Variants in MAPK8IP1 observed in about 807,000 individuals in gnomAD.
MAPK8IP1 encodes the protein C-Jun-amino-terminal kinase-interacting protein 1.
In MAPK8IP1, 17 loss-of-function variants were observed where a neutral mutation model predicts 72.6. The observed-to-expected ratio is 0.23, with a 90% CI of 0.16 to 0.35. The LOEUF is 0.35. Ranked by LOEUF, MAPK8IP1 falls within the 10% of genes least tolerant of loss-of-function variation. MAPK8IP1 has a pLI of 1.00. For synonymous variants in MAPK8IP1, 401 were observed against 443.4 expected, an observed-to-expected ratio of 0.90 and a Z score of 1.20; for missense variants, 789 against 1,009.7, an observed-to-expected ratio of 0.78 and a Z score of 2.96.
chr11:45,902,427 G>T lies in MAPK8IP1; in HGVS notation c.660G>T (p.Gln220His), dbSNP rs1418592065. The T allele has an allele frequency of 1.3e-6, 2 of 1,585,720 alleles. No homozygotes were observed. The highest frequency in any genetic ancestry group is 1.7e-6 in the Non-Finnish European group (2 of 1,167,254). Reference protein sequence around the residue: ...HICLSDELPPQSGPAPTTDRG... With the variant: ...HICLSDELPPHSGPAPTTDRG... ...GCCTGAGCGATGAGCTGCCCCCCCA[G>T]AGCGGCCCCGCCCCCACCACAGATC... Residue 220 changes from glutamine to histidine, a missense_variant, in exon 5 of 12, where the codon CAG (glutamine) becomes CAT (histidine). Gln to His is a conservative substitution (Grantham distance 24). Around this residue, in one of 4 missense-constraint regions of MAPK8IP1, gnomAD observed 377 missense variants for 411.7 expected, o/e 0.92. Transcript: ENST00000241014. The surrounding 1 kb of genome is among the most constrained non-coding windows in gnomAD (Gnocchi z 9.3).
At position 45,905,178 on chromosome 11, in the gene MAPK8IP1, C is replaced by T. The variant is rs544815653; in HGVS notation, c.1992C>T (p.Pro664=). 1.2e-5 allele frequency: 19 copies of T among 1,613,520 alleles called. No homozygotes were observed. The highest frequency in any genetic ancestry group is 4.5e-5 in the East Asian group (2 of 44,874). ...ACTTTGGGTTCATCACCAAGCACCC[C>T]GCCGACCACCGGTTTGCCTGCCACG... ...NKYFGFITKH[P]ADHRFACHVF... The change falls in exon 11 of 12, where the codon CCC becomes CCT. Residue 664 remains proline (P), a synonymous_variant. Transcript: ENST00000241014.
chr11:45,893,482 G>C (rs2086581544), intron 1 of MAPK8IP1, among the ~76,000 whole-genome samples: 1 of 152,208 alleles, frequency 6.6e-6, no homozygotes, highest in African/African-American at 2.4e-5. Context: ...TGCAGGAACA[G>C]GGCCTCAGGT....
chr11:45,891,092 A>G (rs2086563220), intron 1 of MAPK8IP1, among the ~76,000 whole-genome samples: 1 of 152,198 alleles, frequency 6.6e-6, no homozygotes, highest in African/African-American at 2.4e-5. Context: ...CTTGCCTCAC[A>G]CAGTCCGGCA....
At chr11:45,897,522 C>A (rs2086618015) in intron 1 of MAPK8IP1, among the ~76,000 whole-genome samples, 1 of 152,208 alleles carries the variant, frequency 6.6e-6, no homozygotes, top group Non-Finnish European at 1.5e-5. Context: ...CAGCATGAGG[C>A]TGGAGTCCTT....
At chr11:45,887,865 G>C (rs1010224541) in intron 1 of MAPK8IP1, among the ~76,000 whole-genome samples, 1 of 152,230 alleles carries the variant, frequency 6.6e-6, no homozygotes, top group East Asian at 1.9e-4. Context: ...CAAAGCCCCC[G>C]CTGCCCTTTC....
intron 1 of MAPK8IP1, chr11:45,896,724 C>A: frequency 1.4e-6 from 2 of 1,455,386 alleles, no homozygotes; most frequent in Non-Finnish European, 1.8e-6. Flanking sequence ...TAATGAGCTC[C>A]CCAGGCTTCT....
In MAPK8IP1 at chr11:45,901,972, C is replaced by G; in HGVS notation, c.523-8C>G. The G allele has an allele frequency of 6.2e-7, 1 of 1,612,734 alleles. No homozygotes were observed. ...TTCCATCACAAGAGCCTTTTGTTCC[C>G]TGCACAGGACACACTGAATAATAAT... On this transcript the variant is annotated splice_polypyrimidine_tract_variant and splice_region_variant and intron_variant, in intron 3 of 11. Coordinates refer to ENST00000241014, the MANE Select transcript of MAPK8IP1 (RefSeq NM_005456.4).
At position 45,902,313 on chromosome 11, in the gene MAPK8IP1, G is replaced by A. The variant is rs2086660082; in HGVS notation, c.605-59G>A. On this transcript the variant is annotated intron_variant, in intron 4 of 11. Coordinates refer to ENST00000241014, the MANE Select transcript of MAPK8IP1 (RefSeq NM_005456.4). This position sits in a 1 kb window ranked among gnomAD's most constrained non-coding sequence, Gnocchi z 9.3. ...TGTGTCACCAAGCTGAGAGTGGCAGGTGCAGGTAGCTGGGAGTTGGGAGAG... is the reference window on the plus strand; with the variant it reads ...TGTGTCACCAAGCTGAGAGTGGCAGATGCAGGTAGCTGGGAGTTGGGAGAG... The A allele has an allele frequency of 7.2e-7, 1 of 1,380,194 alleles. No homozygotes were observed. Among genetic ancestry groups the A allele is most frequent in the Non-Finnish European group, 1.0e-6 (1 of 992,682 alleles). The allele number at this position is 1,380,194 out of a possible 1,614,324, so 85.5% of individuals were successfully genotyped here. A position where few individuals can be genotyped will look rare whatever the true frequency, so the allele number is the denominator to read the frequency against.
At chr11:45,899,983 A>C (rs983028867) in intron 2 of MAPK8IP1, among the ~76,000 whole-genome samples, 155 bp from the exon 3 acceptor site, 3 of 151,982 alleles carry the variant, frequency 2.0e-5, no homozygotes, top group African/African-American at 7.2e-5. Context: ...CTCGCGGCGG[A>C]CGGGCGAGAG....
intron 1 of MAPK8IP1, among the ~76,000 whole-genome samples, chr11:45,895,941 C>G (rs1213494985): frequency 1.3e-5 from 2 of 152,196 alleles, no homozygotes; most frequent in Admixed American, 1.3e-4. Context: ...AGCTGGCCAG[C>G]CACACCCTCC....
At chr11:45,887,131 C>G (rs1020006169) in intron 1 of MAPK8IP1, among the ~76,000 whole-genome samples, 4 of 152,190 alleles carry the variant, frequency 2.6e-5, no homozygotes, top group African/African-American at 9.7e-5. Flanking sequence ...CATGAGGCCT[C>G]CATGCAAATA....
Position 45,900,296 on chromosome 11 carries a change from G to A in MAPK8IP1, c.366G>A (p.Pro122=), listed in dbSNP as rs899230805. ...DDDEERAARR[P]GAGPPKAESG... ...ACGAGGAGCGCGCGGCCCGGCGGCCGGGAGCGGGGCCGCCCAAGGCCGAGT... is the reference window on the plus strand; with the variant it reads ...ACGAGGAGCGCGCGGCCCGGCGGCCAGGAGCGGGGCCGCCCAAGGCCGAGT... Residue 122 remains proline, a synonymous_variant, in exon 3 of 12, where the codon CCG becomes CCA. Transcript: ENST00000241014. This position sits in a 1 kb window ranked among gnomAD's most constrained non-coding sequence, Gnocchi z 6.5. The A allele has an allele frequency of 1.1e-5, 15 of 1,332,902 alleles. No homozygotes were observed. The highest frequency in any genetic ancestry group is 4.2e-5 in the Admixed American group (1 of 24,062). The allele number at this position is 1,332,902 out of a possible 1,614,324, so 82.6% of individuals were successfully genotyped here. A position where few individuals can be genotyped will look rare whatever the true frequency, so the allele number is the denominator to read the frequency against.
intron 1 of MAPK8IP1, among the ~76,000 whole-genome samples, chr11:45,886,802 G>A (rs752504733): frequency 6.6e-6 from 1 of 152,130 alleles, no homozygotes; most frequent in Non-Finnish European, 1.5e-5. Flanking sequence ...GGGAGGCTTA[G>A]ACATACCCCA....
rs533033002 is a variant in MAPK8IP1 at position 45,904,148 on chromosome 11, C to T, written c.1653C>T (p.Pro551=). Reference sequence around the variant, plus strand: ...ACGCCATCGAGGTCACCAAGGAGCCCGAGCACATGGCAGGTAGTGTTCCCT... The same window carrying T: ...ACGCCATCGAGGTCACCAAGGAGCCTGAGCACATGGCAGGTAGTGTTCCCT... ...AYYAIEVTKE[P]EHMAALAKNS... Residue 551 remains proline, a synonymous_variant, in exon 7 of 12, where the codon CCC becomes CCT. Transcript: ENST00000241014. The surrounding 1 kb of genome is among the most constrained non-coding windows in gnomAD (Gnocchi z 6.4). 17 of 1,613,878 alleles carry T rather than the reference C, an allele frequency of 1.1e-5. No individual in the cohort carries two copies. The highest frequency in any genetic ancestry group is 3.3e-5 in the Admixed American group (2 of 60,016).
In MAPK8IP1 at chr11:45,889,929, A is replaced by T. The variant is rs139751325; in HGVS notation, c.101+4008A>T. On this transcript the variant is annotated intron_variant, in intron 1 of 11. Transcript: ENST00000241014. ...AGGCCCAGACGTGGGCCTGGCCATC[A>T]TGCTATTGGTGTTGTAGAGGGGAGA... 9.9e-3 allele frequency among the ~76,000 whole-genome samples: 1,506 copies of T among 152,244 alleles called. 32 individuals are homozygous for T. The highest frequency in any genetic ancestry group is 0.091 in the South Asian group (441 of 4,824).
At position 45,906,332 on chromosome 11, in the gene MAPK8IP1, C is replaced by T. The variant is rs2086709797; in HGVS notation, c.*611C>T. ...TGCTGGCCTGTGGCAGGCCTAGGAC[C>T]TCAGGCGGGGAGGAGGAGCTGCCGC... On this transcript the variant is annotated 3_prime_UTR_variant, in exon 12 of 12. Transcript: ENST00000241014. 2.2e-6 allele frequency: 1 copy of T among 454,908 alleles called. No homozygotes were observed. The highest frequency in any genetic ancestry group is 4.0e-5 in the Admixed American group (1 of 25,138). The allele number at this position is 454,908 out of a possible 1,614,324, so 28.2% of individuals were successfully genotyped here.
chr11:45,898,066 G>A lies in MAPK8IP1; in HGVS notation c.102-19G>A. On this transcript the variant is annotated intron_variant, in intron 1 of 11. Transcript: ENST00000241014. ...CATAGTGCCCCTGAGTTGTAACTTT[G>A]GCTTCCTGTCCCCACCAGGCTCACC... is the stretch of plus-strand genomic sequence containing the variant. 1 of 1,547,634 alleles carries A rather than the reference G, an allele frequency of 6.5e-7. No individual in the cohort carries two copies. Among genetic ancestry groups the A allele is most frequent in the South Asian group, 1.1e-5 (1 of 89,514 alleles).
In MAPK8IP1 at chr11:45,902,132, C is replaced by A; in HGVS notation, c.604+71C>A. 7.3e-7 allele frequency: 1 copy of A among 1,369,474 alleles called. No individual in the cohort carries two copies. The highest frequency in any genetic ancestry group is 1.0e-6 in the Non-Finnish European group (1 of 956,632). 84.8% of individuals were successfully genotyped at this position (1,369,474 alleles called of 1,614,324 possible). ...CTCAGTCCCCACTACAGAGAGCAAA[C>A]CCTACAGTCTCCAAAGGGCTGAGTA... On this transcript the variant is annotated intron_variant, in intron 4 of 11. Transcript: ENST00000241014. The surrounding 1 kb of genome is among the most constrained non-coding windows in gnomAD (Gnocchi z 9.3).
chr11:45,896,498 C>T, intron 1 of MAPK8IP1: 1 of 1,017,036 alleles, frequency 9.8e-7, no homozygotes, highest in Non-Finnish European at 1.2e-6. Context: ...GGAGGGGGGG[C>T]CACTCAGCCC....
Sources: allele counts gnomAD v4.1 joint callset (sites outside exome capture counted in the v4.1 genomes callset), GRCh38; gene constraint gnomAD v4.1.1; regional missense constraint gnomAD v4.1.1; non-coding constraint Gnocchi (gnomAD v3.1); transcripts MANE v1.5; gene names NCBI Gene and HGNC (gene_info 2026-07-23, HGNC 2026-07-21).